PTGER2: variants seen among roughly 807,000 people sequenced by gnomAD.
PTGER2 encodes prostaglandin E receptor 2, also known as prostaglandin E2 receptor EP2 subtype.
Under a neutral mutation model 26.2 loss-of-function variants are expected in PTGER2, and 22 were observed. The ratio of observed to expected loss-of-function variants is 0.84; its 90% CI spans 0.60 to 1.20. PTGER2 has a LOEUF of 1.20. Ranked by LOEUF, PTGER2 falls within the 50% of genes most tolerant of loss-of-function variation. PTGER2 has a pLI of 0.00. For synonymous variants in PTGER2, 219 were observed against 208.9 expected, an observed-to-expected ratio of 1.05 and a Z score of -0.42; for missense variants, 458 against 475.2, an observed-to-expected ratio of 0.96 and a Z score of 0.34.
chr14:52,314,468 G>A lies in PTGER2; in HGVS notation c.-81G>A. 6.0e-6 allele frequency: 8 copies of A among 1,328,270 alleles called. No homozygotes were observed. In the South Asian group the frequency reaches 1.9e-4, roughly 31 times the overall value. The allele number at this position is 1,328,270 out of a possible 1,614,324, so 82.3% of individuals were successfully genotyped here. A position where few individuals can be genotyped will look rare whatever the true frequency, so the allele number is the denominator to read the frequency against. On this transcript the variant is annotated 5_prime_UTR_variant, in exon 1 of 2. Coordinates refer to ENST00000245457, the MANE Select transcript of PTGER2 (RefSeq NM_000956.4). This position sits in a 1 kb window ranked among gnomAD's most constrained non-coding sequence, Gnocchi z 5.7. The stretch of plus-strand genomic sequence containing the variant: ...CCTCCCCTTTTTCCTCTGAGTCTCG[G>A]AACGCTCCGGCTCTCAGACCCTCTT...
chr14:52,320,898 A>G (rs1429581784), intron 1 of PTGER2, among the ~76,000 whole-genome samples: 1 of 152,220 alleles, frequency 6.6e-6, no homozygotes, highest in Non-Finnish European at 1.5e-5. Flanking sequence ...CCTGTGCTGC[A>G]TGGAAAGTGC....
At chr14:52,315,425 C>A in intron 1 of PTGER2, 34 bp downstream of exon 1, 1 of 1,606,842 alleles carries the variant, frequency 6.2e-7, no homozygotes. Flanking sequence ...CAGCCCGGCT[C>A]TGCTCAGCCT....
At position 52,320,685 on chromosome 14, in the gene PTGER2, C is replaced by T. The variant is rs549230163; in HGVS notation, c.843+5294C>T. On this transcript the variant is annotated intron_variant, in intron 1 of 1. Transcript: ENST00000245457. ...CTCTACTCCCTGTCCTTATCTTGAG[C>T]TCAAGTCCATTGTACCTCAGTTTAT... is the stretch of plus-strand genomic sequence containing the variant. Among the ~76,000 whole-genome samples the T allele has an allele frequency of 2.8e-3, 426 of 152,282 alleles. 4 individuals carry two copies. The highest frequency in any genetic ancestry group is 0.01 in the African/African-American group (417 of 41,552).
Position 52,314,528 on chromosome 14 carries a change from C to T in PTGER2, c.-21C>T, listed in dbSNP as rs755365436. 2 of 1,471,502 alleles carry T rather than the reference C, an allele frequency of 1.4e-6. No homozygotes were observed. Among genetic ancestry groups the T allele is most frequent in the South Asian group, 1.5e-5 (1 of 64,634 alleles). 91.2% of individuals were successfully genotyped at this position (1,471,502 alleles called of 1,614,324 possible). ...TAAAGGCCGGGAGAGGAGGGCGCAT[C>T]TCTTTTCCAGGCACCCCACCATGGG... On this transcript the variant is annotated 5_prime_UTR_variant, in exon 1 of 2. Transcript: ENST00000245457. This position sits in a 1 kb window ranked among gnomAD's most constrained non-coding sequence, Gnocchi z 5.7.
At chr14:52,324,897 G>A (rs568920697) in intron 1 of PTGER2, among the ~76,000 whole-genome samples, 5 of 152,248 alleles carry the variant, frequency 3.3e-5, no homozygotes, top group African/African-American at 9.6e-5. Context: ...CCAGCACTTC[G>A]GGAGGCCAAG....
Position 52,315,963 on chromosome 14 carries a change from C to T in PTGER2, c.843+572C>T, listed in dbSNP as rs180915971. Among the ~76,000 whole-genome samples, 195 of 152,324 alleles carry T rather than the reference C, an allele frequency of 1.3e-3. 3 individuals carry two copies. The highest frequency in any genetic ancestry group is 3.4e-3 in the Middle Eastern group (1 of 294). On this transcript the variant is annotated intron_variant, in intron 1 of 1. Coordinates refer to ENST00000245457, the MANE Select transcript of PTGER2 (RefSeq NM_000956.4). Reference sequence around the variant, plus strand: ...GAAGTTTAGAGCATTTGTTATTTGTCCTAAAAGTCCAACAAACATCTAGTT... The same window carrying T: ...GAAGTTTAGAGCATTTGTTATTTGTTCTAAAAGTCCAACAAACATCTAGTT...
chr14:52,318,847 A>G (rs1391636196), intron 1 of PTGER2, among the ~76,000 whole-genome samples: 1 of 152,196 alleles, frequency 6.6e-6, no homozygotes, highest in Non-Finnish European at 1.5e-5. Flanking sequence ...GTGAAGTCCA[A>G]TTCAACCTCA....
chr14:52,322,047 C>T lies in PTGER2; in HGVS notation c.844-5174C>T, dbSNP rs571744490. 3.3e-5 allele frequency among the ~76,000 whole-genome samples: 5 copies of T among 152,288 alleles called. No individual in the cohort carries two copies. In the South Asian group the frequency reaches 1.0e-3, roughly 32 times the overall value. On this transcript the variant is annotated intron_variant, in intron 1 of 1. Transcript: ENST00000245457. ...AAATTACTTGGAGCACTTTGCAAAC[C>T]TTGATGCCCATGGCTCAGCCTAGAC...
chr14:52,317,029 T>A (rs990692772), intron 1 of PTGER2, among the ~76,000 whole-genome samples: 3 of 152,200 alleles, frequency 2.0e-5, no homozygotes, highest in Admixed American at 2.0e-4. Flanking sequence ...CTTTTGAAGG[T>A]CAGCACTAGG....
chr14:52,322,133 C>A (rs778973892), intron 1 of PTGER2, among the ~76,000 whole-genome samples: 1 of 152,106 alleles, frequency 6.6e-6, no homozygotes. Flanking sequence ...AACTTAGGTT[C>A]TTTCTATTTT....
chr14:52,325,967 G>A (rs1423462852), intron 1 of PTGER2, among the ~76,000 whole-genome samples: 1 of 152,164 alleles, frequency 6.6e-6, no homozygotes, highest in Admixed American at 6.5e-5. Context: ...AGAAAAGAGG[G>A]GCTAGGTGTC....
At chr14:52,321,728 TC>T (rs780821717) in intron 1 of PTGER2, among the ~76,000 whole-genome samples, 16 of 152,228 alleles carry the variant, frequency 1.1e-4, no homozygotes, top group Non-Finnish European at 1.8e-4. Flanking sequence ...TAATAATACT[TC>T]GTAGGTTTAT....
intron 1 of PTGER2, among the ~76,000 whole-genome samples, chr14:52,317,647 G>C (rs1000918468): frequency 6.6e-6 from 1 of 152,066 alleles, no homozygotes; most frequent in South Asian, 2.1e-4. Context: ...TATGGCTTAG[G>C]GGGAGCCAGA....
chr14:52,322,902 G>A (rs776560395), intron 1 of PTGER2, among the ~76,000 whole-genome samples: 6 of 152,056 alleles, frequency 3.9e-5, no homozygotes, highest in Non-Finnish European at 8.8e-5. Flanking sequence ...CCTGAAAATC[G>A]CTGTTATTCT....
At position 52,314,858 on chromosome 14, in the gene PTGER2, C is replaced by T. The variant is rs1349649651; in HGVS notation, c.310C>T (p.Pro104Ser). 1.4e-5 allele frequency: 22 copies of T among 1,613,122 alleles called. No homozygotes were observed. The highest frequency in any genetic ancestry group is 1.8e-5 in the Non-Finnish European group (21 of 1,179,976). ...GAACCAGACCCTGGTGGCACTGGCG[C>T]CCGAGAGCCGCGCGTGCACCTACTT... ...ARNQTLVALAPESRACTYFAF... is the reference protein window; with the variant it reads ...ARNQTLVALASESRACTYFAF... The change falls in exon 1 of 2, where the codon CCC becomes TCC. Residue 104 changes from proline (P) to serine (S), a missense_variant. By Grantham distance (74) the Pro-to-Ser change is moderately conservative (BLOSUM62 -1). Coordinates refer to ENST00000245457, the MANE Select transcript of PTGER2 (RefSeq NM_000956.4). The surrounding 1 kb of genome is among the most constrained non-coding windows in gnomAD (Gnocchi z 5.7).
chr14:52,323,256 T>C (rs2033916546), intron 1 of PTGER2, among the ~76,000 whole-genome samples: 1 of 148,492 alleles, frequency 6.7e-6, no homozygotes, highest in Non-Finnish European at 1.5e-5. Flanking sequence ...TGTGTATGTA[T>C]GTATGTATTT....
In PTGER2 at chr14:52,327,475, T is replaced by C; in HGVS notation, c.*21T>C. On this transcript the variant is annotated 3_prime_UTR_variant, in exon 2 of 2. Coordinates refer to ENST00000245457, the MANE Select transcript of PTGER2 (RefSeq NM_000956.4). ...TTTGAGGTCAGTAGTTTAAAAGTTC[T>C]TAGTTATATAGCATCTGGAAGATCA... The C allele has an allele frequency of 1.3e-6, 2 of 1,518,808 alleles. No homozygotes were observed. The highest frequency in any genetic ancestry group is 1.1e-5 in the South Asian group (1 of 87,322). The allele number at this position is 1,518,808 out of a possible 1,614,324, so 94.1% of individuals were successfully genotyped here.
Position 52,314,470 on chromosome 14 carries a change from A to G in PTGER2, c.-79A>G. 7.5e-7 allele frequency: 1 copy of G among 1,327,392 alleles called. No individual in the cohort carries two copies. Among genetic ancestry groups the G allele is most frequent in the East Asian group, 2.7e-5 (1 of 37,016 alleles). 82.2% of individuals were successfully genotyped at this position (1,327,392 alleles called of 1,614,324 possible). A position where few individuals can be genotyped will look rare whatever the true frequency, so the allele number is the denominator to read the frequency against. Reference sequence around the variant, plus strand: ...TCCCCTTTTTCCTCTGAGTCTCGGAACGCTCCGGCTCTCAGACCCTCTTCC... The same window carrying G: ...TCCCCTTTTTCCTCTGAGTCTCGGAGCGCTCCGGCTCTCAGACCCTCTTCC... On this transcript the variant is annotated 5_prime_UTR_variant, in exon 1 of 2. Transcript: ENST00000245457. This position sits in a 1 kb window ranked among gnomAD's most constrained non-coding sequence, Gnocchi z 5.7.
chr14:52,323,348 G>A (rs1487030545), intron 1 of PTGER2, among the ~76,000 whole-genome samples: 1 of 152,132 alleles, frequency 6.6e-6, no homozygotes, highest in African/African-American at 2.4e-5. Context: ...CTGCCTCCTA[G>A]GTTCAAGCAA....
Sources: allele counts gnomAD v4.1 joint callset (sites outside exome capture counted in the v4.1 genomes callset), GRCh38; gene constraint gnomAD v4.1.1; non-coding constraint Gnocchi (gnomAD v3.1); transcripts MANE v1.5; gene names NCBI Gene and HGNC (gene_info 2026-07-23, HGNC 2026-07-21).